LNPK: variants seen among roughly 807,000 people sequenced by gnomAD.
The protein encoded by LNPK is endoplasmic reticulum junction formation protein lunapark.
In LNPK, 29 loss-of-function variants were observed where a neutral mutation model predicts 55.2. The ratio of observed to expected loss-of-function variants is 0.53; its 90% confidence interval spans 0.39 to 0.72. LNPK has a LOEUF of 0.72. Ranked by LOEUF, LNPK falls within the 30% of genes least tolerant of loss-of-function variation. LNPK has a pLI of 0.00. For missense variants in LNPK, 467 were observed against 494.8 expected, an observed-to-expected ratio of 0.94 and a Z score of 0.53; for synonymous variants, 162 against 168.2, an observed-to-expected ratio of 0.96 and a Z score of 0.29.
At chr2:175,973,620 A>G (rs1686759344) in intron 5 of LNPK, among the ~76,000 whole-genome samples, 1 of 152,204 alleles carries the variant, frequency 6.6e-6, no homozygotes, top group Non-Finnish European at 1.5e-5. Flanking sequence ...GCTGTTTTCT[A>G]AACTTCACTG....
intron 4 of LNPK, among the ~76,000 whole-genome samples, chr2:175,986,138 A>C (rs1431970311): frequency 6.6e-6 from 1 of 152,230 alleles, no homozygotes; most frequent in Non-Finnish European, 1.5e-5. Flanking sequence ...ATACACTGTT[A>C]TTAGGATGTA....
At chr2:175,954,979 T>C (rs1340980526) in intron 8 of LNPK, among the ~76,000 whole-genome samples, 1 of 152,094 alleles carries the variant, frequency 6.6e-6, no homozygotes, top group African/African-American at 2.4e-5. Context: ...TAGAGTGAAG[T>C]GAGGACTTCA....
intron 8 of LNPK, among the ~76,000 whole-genome samples, chr2:175,963,757 A>C (rs1686190607): frequency 6.6e-6 from 1 of 151,946 alleles, no homozygotes; most frequent in Admixed American, 6.6e-5. Context: ...AAGTCATTGC[A>C]AACTCAGAAT....
At chr2:175,984,609 A>C (rs1687323928) in intron 4 of LNPK, among the ~76,000 whole-genome samples, 1 of 152,220 alleles carries the variant, frequency 6.6e-6, no homozygotes, top group African/African-American at 2.4e-5. Context: ...GCAAATAACC[A>C]CATGAAACAT....
At chr2:175,968,873 C>T (rs967227825) in intron 6 of LNPK, among the ~76,000 whole-genome samples, 1 of 152,196 alleles carries the variant, frequency 6.6e-6, no homozygotes, top group South Asian at 2.1e-4. Flanking sequence ...ACAAAATTAG[C>T]CAGGTGTGGT....
chr2:175,929,919 C>T lies in LNPK; in HGVS notation c.*48G>A. On this transcript the variant is annotated 3_prime_UTR_variant, in exon 13 of 13. Transcript: ENST00000272748. ...GTGCCACCGAAAAAGCAATAACTGACATCAGTAAGACTATAAATATCCAGT... is the reference window on the plus strand; with the variant it reads ...GTGCCACCGAAAAAGCAATAACTGATATCAGTAAGACTATAAATATCCAGT... 1 of 1,603,496 alleles carries T rather than the reference C, an allele frequency of 6.2e-7. No individual in the cohort carries two copies. Among genetic ancestry groups the T allele is most frequent in the Non-Finnish European group, 8.5e-7 (1 of 1,173,836 alleles).
chr2:175,992,554 G>T, intron 3 of LNPK, 136 bp from the exon 4 acceptor site: 1 of 479,706 alleles, frequency 2.1e-6, no homozygotes, highest in South Asian at 5.2e-5. Flanking sequence ...TATTCTAACA[G>T]TTTAAAACAA....
chr2:175,970,680 GT>G, intron 6 of LNPK, 83 bp downstream of exon 6: 1 of 716,366 alleles, frequency 1.4e-6, no homozygotes, highest in East Asian at 4.4e-5. Flanking sequence ...TCCTTGGAGA[GT>G]TATTAACTTC....
At chr2:175,983,823 C>T (rs1208434794) in intron 4 of LNPK, among the ~76,000 whole-genome samples, 1 of 151,400 alleles carries the variant, frequency 6.6e-6, no homozygotes, top group Non-Finnish European at 1.5e-5. Flanking sequence ...AAATGTGATT[C>T]CTTTCCAAAA....
intron 9 of LNPK, among the ~76,000 whole-genome samples, chr2:175,944,776 T>C (rs943457564): frequency 5.3e-5 from 8 of 152,174 alleles, no homozygotes; most frequent in Admixed American, 3.9e-4. Flanking sequence ...TAAATTCTTA[T>C]AATTTAAAGG....
At chr2:175,970,889 GAA>G in intron 5 of LNPK, 85 bp from the exon 6 acceptor site, 5 of 1,176,230 alleles carry the variant, frequency 4.3e-6, no homozygotes, top group Non-Finnish European at 5.7e-6. Flanking sequence ...GCAAACACAA[GAA>G]AACTTTCTTA....
intron 8 of LNPK, among the ~76,000 whole-genome samples, chr2:175,958,710 G>A (rs1357416092): frequency 2.0e-5 from 3 of 152,192 alleles, no homozygotes; most frequent in African/African-American, 4.8e-5. Flanking sequence ...AAAGCTGGAT[G>A]GAGAACAACT....
intron 8 of LNPK, 99 bp downstream of exon 8, chr2:175,964,273 T>C: frequency 1.2e-6 from 1 of 835,012 alleles, no homozygotes; most frequent in Admixed American, 2.3e-5. Context: ...ACAGAAGCAT[T>C]CTACATAAGT....
chr2:175,969,705 C>T (rs1381743022), intron 6 of LNPK, among the ~76,000 whole-genome samples: 3 of 152,174 alleles, frequency 2.0e-5, no homozygotes, highest in African/African-American at 7.2e-5. Context: ...CTTTGAATTT[C>T]TGGCTGTTCC....
intron 1 of LNPK, among the ~76,000 whole-genome samples, chr2:175,996,112 C>A (rs1483006848): frequency 6.6e-6 from 1 of 152,140 alleles, no homozygotes; most frequent in Non-Finnish European, 1.5e-5. Flanking sequence ...CGCACACCAC[C>A]AAGCCCACCT....
At chr2:175,970,557 C>T (rs1686610127) in intron 6 of LNPK, among the ~76,000 whole-genome samples, 1 of 152,088 alleles carries the variant, frequency 6.6e-6, no homozygotes, top group African/African-American at 2.4e-5. Flanking sequence ...GATACAGATT[C>T]TCAGAATCTC....
intron 5 of LNPK, among the ~76,000 whole-genome samples, chr2:175,971,890 C>T (rs375105096): frequency 1.1e-3 from 165 of 152,162 alleles, no homozygotes; most frequent in African/African-American, 3.9e-3. Context: ...GTATTTTGGG[C>T]TTTATGGGCC....
chr2:175,950,580 A>G (rs895923989), intron 8 of LNPK, among the ~76,000 whole-genome samples: 10 of 152,160 alleles, frequency 6.6e-5, no homozygotes, highest in Non-Finnish European at 1.2e-4. Flanking sequence ...AAACTACTAT[A>G]TTAAACAGAA....
At chr2:175,956,688 T>TCAACTGCAACTCAGGTTGCA (rs1367492563) in intron 8 of LNPK, among the ~76,000 whole-genome samples, 14 of 152,216 alleles carry the variant, frequency 9.2e-5, no homozygotes, top group Non-Finnish European at 1.9e-4. Flanking sequence ...TGTGGATTCC[T>TCAACTGCAACTCAGGTTGCA]GTATTAATAC....
Sources: allele counts gnomAD v4.1 joint callset (sites outside exome capture counted in the v4.1 genomes callset), GRCh38; gene constraint gnomAD v4.1.1; transcripts MANE v1.5; gene names NCBI Gene and HGNC (gene_info 2026-07-23, HGNC 2026-07-21).